The following DISC1 variants were observed in gnomAD, a reference collection of about 807,000 sequenced individuals.
The protein encoded by DISC1 is DISC1 scaffold protein.
A neutral mutation model predicts 84.5 loss-of-function variants in DISC1; 57 were observed. That is an observed-to-expected ratio of 0.67 (90% confidence interval 0.55 to 0.84). DISC1 has a LOEUF of 0.84. DISC1 is among the 40% of genes least tolerant of loss of function. The pLI is 0.00. For synonymous variants in DISC1, 411 were observed against 415.2 expected (o/e 0.99, Z 0.12); for missense variants, 1,000 against 1,057.8 (o/e 0.95, Z 0.76).
In DISC1 at chr1:231,717,023, G is replaced by A. The variant is rs189069786; in HGVS notation, c.1117+14999G>A. 5.3e-3 allele frequency among the ~76,000 whole-genome samples: 810 copies of A among 152,200 alleles called. 6 individuals are homozygous for A. Among genetic ancestry groups the A allele is most frequent in the African/African-American group, 0.017 (713 of 41,544 alleles). ...ATGCCAGAAGAAAATCTTGAGTGGC[G>A]GTTCCTTCCAGATTTAGCAAGCTCT... On this transcript the variant is annotated intron_variant, in intron 3 of 12. Transcript: ENST00000439617.
At position 232,008,797 on chromosome 1, in the gene DISC1, A is replaced by G. The variant is rs770451894; in HGVS notation, c.2055A>G (p.Pro685=). 6.4e-6 allele frequency: 10 copies of G among 1,568,810 alleles called. No homozygotes were observed. Among genetic ancestry groups the G allele is most frequent in the Non-Finnish European group, 7.8e-6 (9 of 1,157,232 alleles). The change falls in exon 11 of 13, where the codon CCA becomes CCG. Residue 685 remains proline (P), a synonymous_variant. Transcript: ENST00000439617. ...CTCTCTGTCTCAGCTGCAAGTGTCCACTGCTTGGGAAAGTGTGGGAAGCTG... is the reference window on the plus strand; with the variant it reads ...CTCTCTGTCTCAGCTGCAAGTGTCCGCTGCTTGGGAAAGTGTGGGAAGCTG... ...LKNKLCSCKC[P]LLGKVWEADL... is the part of the protein sequence containing the mutation.
At chr1:231,846,393 C>A (rs1245142045) in intron 9 of DISC1, among the ~76,000 whole-genome samples, 1 of 152,180 alleles carries the variant, frequency 6.6e-6, no homozygotes, top group South Asian at 2.1e-4. Flanking sequence ...GGATTTGGAC[C>A]CTGGCCTTCC....
chr1:231,685,738 A>G (rs1356929567), intron 1 of DISC1, among the ~76,000 whole-genome samples: 1 of 152,166 alleles, frequency 6.6e-6, no homozygotes, highest in Non-Finnish European at 1.5e-5. Context: ...GGCATAAGCC[A>G]CCACACCCGG....
intron 9 of DISC1, among the ~76,000 whole-genome samples, chr1:231,870,517 T>C (rs1456850354): frequency 6.6e-6 from 1 of 152,190 alleles, no homozygotes; most frequent in Admixed American, 6.5e-5. Flanking sequence ...TGTCTGTTGG[T>C]GTTATCCTGA....
chr1:231,963,031 T>C (rs193073989), intron 10 of DISC1, among the ~76,000 whole-genome samples: 2 of 152,322 alleles, frequency 1.3e-5, no homozygotes, highest in East Asian at 3.9e-4. Context: ...TGTTGCCCTC[T>C]TACCACCTTC....
At chr1:231,975,373 G>A (rs919518492) in intron 10 of DISC1, among the ~76,000 whole-genome samples, 1 of 152,102 alleles carries the variant, frequency 6.6e-6, no homozygotes, top group Non-Finnish European at 1.5e-5. Flanking sequence ...CACTGCCGGT[G>A]GAAATTTAAA....
intron 9 of DISC1, among the ~76,000 whole-genome samples, chr1:231,949,034 T>C (rs1572269967): frequency 6.6e-6 from 1 of 152,102 alleles, no homozygotes; most frequent in African/African-American, 2.4e-5. Flanking sequence ...CACGCCCAGC[T>C]AATTTTTGTA....
At chr1:231,847,019 T>C (rs979854666) in intron 9 of DISC1, among the ~76,000 whole-genome samples, 1 of 152,184 alleles carries the variant, frequency 6.6e-6, no homozygotes, top group Non-Finnish European at 1.5e-5. Context: ...AGATCATTGT[T>C]CTTAAATTTA....
intron 1 of DISC1, among the ~76,000 whole-genome samples, chr1:231,635,298 C>A (rs2059102007): frequency 6.6e-6 from 1 of 152,110 alleles, no homozygotes. Context: ...CCCTTAAACA[C>A]TTAAAACGGA....
chr1:231,819,240 A>C, intron 9 of DISC1: 1 of 751,138 alleles, frequency 1.3e-6, no homozygotes, highest in Non-Finnish European at 1.6e-6. Flanking sequence ...AAATGGCTAT[A>C]TTTTACAAAG....
intron 9 of DISC1, among the ~76,000 whole-genome samples, chr1:231,846,093 G>A (rs1269265347): frequency 6.6e-6 from 1 of 152,196 alleles, no homozygotes; most frequent in African/African-American, 2.4e-5. Context: ...CCTGAAGGTA[G>A]AGCCACGTTA....
chr1:231,818,104 A>G (rs1323841791), intron 8 of DISC1, among the ~76,000 whole-genome samples: 2 of 152,240 alleles, frequency 1.3e-5, no homozygotes, highest in Non-Finnish European at 2.9e-5. Context: ...TAAAATGGAC[A>G]TAACAAGAAT....
At chr1:231,981,854 T>C (rs1663651992) in intron 10 of DISC1, among the ~76,000 whole-genome samples, 1 of 152,188 alleles carries the variant, frequency 6.6e-6, no homozygotes, top group African/African-American at 2.4e-5. Flanking sequence ...CGGTGAAGGT[T>C]GTTAGGTGGC....
chr1:231,726,416 G>A (rs2070706239), intron 3 of DISC1, among the ~76,000 whole-genome samples: 1 of 152,136 alleles, frequency 6.6e-6, no homozygotes, highest in Non-Finnish European at 1.5e-5. Flanking sequence ...GAGCAAATGA[G>A]TGCTGCCCAA....
chr1:231,719,313 G>A (rs187308468), intron 3 of DISC1, among the ~76,000 whole-genome samples: 41 of 152,296 alleles, frequency 2.7e-4, no homozygotes, highest in African/African-American at 9.9e-4. Flanking sequence ...CATAGTGCTT[G>A]GTCAAAGTAG....
At chr1:231,850,305 G>A (rs2083798793) in intron 9 of DISC1, among the ~76,000 whole-genome samples, 3 of 152,244 alleles carry the variant, frequency 2.0e-5, no homozygotes, top group African/African-American at 7.2e-5. Context: ...GCGTGAGGTA[G>A]GATCCTACGA....
chr1:231,695,980 T>C (rs777135803), intron 2 of DISC1, among the ~76,000 whole-genome samples: 4 of 152,178 alleles, frequency 2.6e-5, no homozygotes, highest in Non-Finnish European at 5.9e-5. Context: ...TTCTGGGTGA[T>C]GTGTGGAGTC....
intron 10 of DISC1, among the ~76,000 whole-genome samples, chr1:231,986,238 G>C (rs1243024808): frequency 5.3e-5 from 8 of 152,138 alleles, no homozygotes; most frequent in Non-Finnish European, 8.8e-5. Context: ...CCTGTCTGGG[G>C]ATCTCAAGTT....
In DISC1 at chr1:231,698,508, G is replaced by A. The variant is rs140861221; in HGVS notation, c.1048-3447G>A. Among the ~76,000 whole-genome samples, 156 of 152,246 alleles carry A rather than the reference G, an allele frequency of 1.0e-3. No homozygotes were observed. The highest frequency in any genetic ancestry group is 3.7e-3 in the African/African-American group (152 of 41,526). On this transcript the variant is annotated intron_variant, in intron 2 of 12. Coordinates refer to ENST00000439617, the MANE Select transcript of DISC1 (RefSeq NM_018662.3). The surrounding 1 kb of genome is among the most constrained non-coding windows in gnomAD (Gnocchi z 4.9). ...CTCTGCCTGTAGAGTATTATAGGACGTTCCACAGGCAGGGTTGTGGCACAG... is the reference window on the plus strand; with the variant it reads ...CTCTGCCTGTAGAGTATTATAGGACATTCCACAGGCAGGGTTGTGGCACAG...
Sources: allele counts gnomAD v4.1 joint callset (sites outside exome capture counted in the v4.1 genomes callset), GRCh38; gene constraint gnomAD v4.1.1; non-coding constraint Gnocchi (gnomAD v3.1); transcripts MANE v1.5; gene names NCBI Gene and HGNC (gene_info 2026-07-23, HGNC 2026-07-21).